ZBTB43: variants seen among roughly 807,000 people sequenced by gnomAD.
The protein encoded by ZBTB43 is zinc finger and BTB domain containing 43, also known as zinc finger and BTB domain-containing protein 43.
Under a neutral mutation model 31.1 loss-of-function variants are expected in ZBTB43, and 6 were observed. The ratio of observed to expected loss-of-function variants is 0.19; its 90% CI spans 0.11 to 0.38. ZBTB43 has a LOEUF of 0.38. Among genes scored for constraint, ZBTB43 ranks in the 10% least tolerant of loss-of-function variants. The pLI, the probability that ZBTB43 is intolerant of heterozygous loss-of-function variation, is 1.00. For synonymous variants in ZBTB43, 212 were observed against 221.7 expected (o/e 0.96, Z 0.39); for missense variants, 379 against 602.1 (o/e 0.63, Z 3.88).
chr9:126,836,178 C>G lies in ZBTB43; in HGVS notation c.*2265C>G. On this transcript the variant is annotated 3_prime_UTR_variant, in exon 3 of 3. Transcript: ENST00000373464. ...ATATTCTGGGAGAGTCGTGGTCCTTCAGTTCTGCTGAAATCAGCATAGTGC... is the reference window on the plus strand; with the variant it reads ...ATATTCTGGGAGAGTCGTGGTCCTTGAGTTCTGCTGAAATCAGCATAGTGC... The G allele has an allele frequency of 6.0e-6, 1 of 167,206 alleles. No homozygotes were observed. Among genetic ancestry groups the G allele is most frequent in the Non-Finnish European group, 1.5e-5 (1 of 68,124 alleles). 10.4% of individuals were successfully genotyped at this position (167,206 alleles called of 1,614,324 possible).
rs1340958155 is a variant in ZBTB43, at chr9:126,837,228, AG to A, written c.*3318del. The A allele has an allele frequency of 6.0e-6, 1 of 167,100 alleles. No homozygotes were observed. Among genetic ancestry groups the A allele is most frequent in the Non-Finnish European group, 1.5e-5 (1 of 68,118 alleles). 10.4% of individuals were successfully genotyped at this position (167,100 alleles called of 1,614,324 possible). ...GAAGGACTGCGGTAACTTACCCTGC[AG>A]GGCTGTAGGTTGCCTGCAGGCGCTC... On this transcript the variant is annotated 3_prime_UTR_variant, in exon 3 of 3. Coordinates refer to ENST00000373464, the MANE Select transcript of ZBTB43 (RefSeq NM_014007.4).
chr9:126,804,722 C>A (rs567123594), upstream of ZBTB43, among the ~76,000 whole-genome samples: 2 of 152,220 alleles, frequency 1.3e-5, no homozygotes, highest in African/African-American at 2.4e-5. Flanking sequence ...TAGCCTCAAG[C>A]GATCATCCCC....
chr9:126,815,329 ACT>A (rs1491267786), intron 2 of ZBTB43, among the ~76,000 whole-genome samples: 50 of 143,678 alleles, frequency 3.5e-4, no homozygotes, highest in African/African-American at 6.1e-4. Context: ...AATATATAAA[ACT>A]ATATATATAG....
chr9:126,815,005 C>A (rs925610598), intron 2 of ZBTB43, among the ~76,000 whole-genome samples: 1 of 145,016 alleles, frequency 6.9e-6, no homozygotes, highest in African/African-American at 2.6e-5. Flanking sequence ...TTAAGATTTT[C>A]TCCACTGATT....
In ZBTB43 at chr9:126,833,925, G is replaced by A; in HGVS notation, c.*12G>A. 1 of 1,562,140 alleles carries A rather than the reference G, an allele frequency of 6.4e-7. No homozygotes were observed. Among genetic ancestry groups the A allele is most frequent in the Non-Finnish European group, 8.7e-7 (1 of 1,145,824 alleles). ...CTGAGGCTAACTAAAAATAGGATCT[G>A]GCCCTTGAGTGGCATGCACAAAAAT... On this transcript the variant is annotated 3_prime_UTR_variant, in exon 3 of 3. Transcript: ENST00000373464. This position sits in a 1 kb window ranked among gnomAD's most constrained non-coding sequence, Gnocchi z 7.9.
At position 126,834,223 on chromosome 9, in the gene ZBTB43, C is replaced by G. The variant is rs1046302097; in HGVS notation, c.*310C>G. 1 of 252,230 alleles carries G rather than the reference C, an allele frequency of 4.0e-6. No individual in the cohort carries two copies. Among genetic ancestry groups the G allele is most frequent in the Non-Finnish European group, 8.2e-6 (1 of 122,464 alleles). 15.6% of individuals were successfully genotyped at this position (252,230 alleles called of 1,614,324 possible). A position where few individuals can be genotyped will look rare whatever the true frequency, so the allele number is the denominator to read the frequency against. ...AGACACCTGCACTTGGAACTGGACT[C>G]CACCCACCAGTTCCATTTTGGGTGG... On this transcript the variant is annotated 3_prime_UTR_variant, in exon 3 of 3. Transcript: ENST00000373464.
At position 126,832,800 on chromosome 9, in the gene ZBTB43, T is replaced by C. The variant is rs1325441360; in HGVS notation, c.291T>C (p.Ala97=). Residue 97 remains alanine, a synonymous_variant, in exon 3 of 3, where the codon GCT becomes GCC. Transcript: ENST00000373464. ...SSYTGRLVMP[A]PEIVSYLTAA... ...ATACAGGACGTCTAGTAATGCCCGC[T>C]CCAGAAATTGTTAGTTACTTGACAG... 6.2e-7 allele frequency: 1 copy of C among 1,614,136 alleles called. No homozygotes were observed.
intron 2 of ZBTB43, among the ~76,000 whole-genome samples, chr9:126,829,025 CTT>C (rs2032711996): frequency 6.6e-6 from 1 of 152,092 alleles, no homozygotes; most frequent in Non-Finnish European, 1.5e-5. Context: ...GATAGGCAGA[CTT>C]TATTTTTCTT....
rs139865618 is a variant in ZBTB43, at chr9:126,825,045, A to G, written c.-23-7442A>G. Among the ~76,000 whole-genome samples the G allele has an allele frequency of 4.4e-3, 665 of 152,256 alleles. 17 individuals carry two copies. The highest frequency in any genetic ancestry group is 0.033 in the Admixed American group (498 of 15,284). ...CTGCAGCCTCAACCTCCTGTACTCA[A>G]GTGATCCTCCCACCTCAGCCTCTTG... is the stretch of plus-strand genomic sequence containing the variant. On this transcript the variant is annotated intron_variant, in intron 2 of 2. Transcript: ENST00000373464.
chr9:126,809,085 A>G (rs929319224), intron 2 of ZBTB43, among the ~76,000 whole-genome samples, 170 bp downstream of exon 2: 1 of 152,236 alleles, frequency 6.6e-6, no homozygotes, highest in African/African-American at 2.4e-5. Context: ...CATCAATGCC[A>G]TACTTTGCAC....
chr9:126,819,768 C>G (rs770245092), intron 2 of ZBTB43, among the ~76,000 whole-genome samples: 12 of 152,114 alleles, frequency 7.9e-5, no homozygotes, highest in Non-Finnish European at 1.2e-4. Flanking sequence ...AAACATAAGC[C>G]AAAAGTTAGA....
intron 2 of ZBTB43, among the ~76,000 whole-genome samples, chr9:126,820,273 C>T (rs1418934783): frequency 1.3e-5 from 2 of 152,128 alleles, no homozygotes; most frequent in African/African-American, 4.8e-5. Context: ...AAGACAATAC[C>T]TGGCTTCAAA....
chr9:126,830,999 A>T (rs1402659132), intron 2 of ZBTB43, among the ~76,000 whole-genome samples: 1 of 152,210 alleles, frequency 6.6e-6, no homozygotes, highest in East Asian at 1.9e-4. Context: ...GATAAGAAGC[A>T]TACCTCACCT....
At chr9:126,828,654 A>ATTATT (rs1554742745) in intron 2 of ZBTB43, among the ~76,000 whole-genome samples, 119 of 127,720 alleles carry the variant, frequency 9.3e-4, no homozygotes, top group South Asian at 3.1e-3. Flanking sequence ...TAATAATAAT[A>ATTATT]ATTATTATTA....
In ZBTB43 at chr9:126,807,478, A is replaced by G. The variant is rs1323969093; in HGVS notation, c.-146-1315A>G. On this transcript the variant is annotated intron_variant, in intron 1 of 2. Transcript: ENST00000373464. ...CAAGAACATTGATGAGGACCTCAGC[A>G]GTTCTCTATCATTGTCTCAGGCAGT... 2.6e-5 allele frequency among the ~76,000 whole-genome samples: 4 copies of G among 152,198 alleles called. No individual in the cohort carries two copies. The East Asian group carries it at 7.7e-4, about 29-fold the overall frequency.
At position 126,834,366 on chromosome 9, in the gene ZBTB43, A is replaced by G. The variant is rs2032834625; in HGVS notation, c.*453A>G. 1 of 168,658 alleles carries G rather than the reference A, an allele frequency of 5.9e-6. No individual in the cohort carries two copies. Among genetic ancestry groups the G allele is most frequent in the East Asian group, 1.9e-4 (1 of 5,254 alleles). The allele number at this position is 168,658 out of a possible 1,614,324, so 10.4% of individuals were successfully genotyped here. On this transcript the variant is annotated 3_prime_UTR_variant, in exon 3 of 3. Transcript: ENST00000373464. ...TAGCTATTTCACTGAAGGAAGTGCTACTTATATAAAAGCTAGAAATAATGT... is the reference window on the plus strand; with the variant it reads ...TAGCTATTTCACTGAAGGAAGTGCTGCTTATATAAAAGCTAGAAATAATGT...
rs762627442 is a variant in ZBTB43, at chr9:126,834,559, G to A, written c.*646G>A. ...ATAGTGCCCTTGTCAGTTTCTGTAAGATGCCACTACTGTCACAAGGTGTTT... is the reference window on the plus strand; with the variant it reads ...ATAGTGCCCTTGTCAGTTTCTGTAAAATGCCACTACTGTCACAAGGTGTTT... On this transcript the variant is annotated 3_prime_UTR_variant, in exon 3 of 3. Coordinates refer to ENST00000373464, the MANE Select transcript of ZBTB43 (RefSeq NM_014007.4). 6.0e-5 allele frequency: 10 copies of A among 167,172 alleles called. No individual in the cohort carries two copies. Among genetic ancestry groups the A allele is most frequent in the Admixed American group, 6.5e-5 (1 of 15,304 alleles). 10.4% of individuals were successfully genotyped at this position (167,172 alleles called of 1,614,324 possible).
chr9:126,821,804 T>C (rs1377334963), intron 2 of ZBTB43, among the ~76,000 whole-genome samples: 3 of 152,192 alleles, frequency 2.0e-5, no homozygotes, highest in Non-Finnish European at 2.9e-5. Flanking sequence ...TTCTAACCTG[T>C]GGCCCAGGAT....
chr9:126,833,163 C>G lies in ZBTB43; in HGVS notation c.654C>G (p.Gly218=). The change falls in exon 3 of 3, where the codon GGC becomes GGG. Residue 218 remains glycine (G), a synonymous_variant. Coordinates refer to ENST00000373464, the MANE Select transcript of ZBTB43 (RefSeq NM_014007.4). This position sits in a 1 kb window ranked among gnomAD's most constrained non-coding sequence, Gnocchi z 7.9. The part of the protein sequence containing the change: ...TEMASQDGEE[G]ASDSAEFHYT... ...TGGCAAGCCAGGATGGGGAGGAGGG[C>G]GCCAGCGACAGCGCCGAGTTCCACT... The G allele has an allele frequency of 6.2e-7, 1 of 1,613,882 alleles. No individual in the cohort carries two copies. The highest frequency in any genetic ancestry group is 8.5e-7 in the Non-Finnish European group (1 of 1,180,028).
Sources: gnomAD v4.1 joint callset for allele counts (sites outside exome capture counted in the v4.1 genomes callset) on GRCh38, gnomAD v4.1.1 for gene constraint, Gnocchi (gnomAD v3.1) non-coding constraint, MANE v1.5 for transcripts, NCBI Gene and HGNC (gene_info 2026-07-23, HGNC 2026-07-21) for gene names.